Variants in FGF2 observed in about 807,000 individuals in gnomAD.
The protein encoded by FGF2 is fibroblast growth factor 2.
In FGF2, 13 loss-of-function variants were observed where a neutral mutation model predicts 15.9. The observed-to-expected ratio is 0.82, with a 90% confidence interval of 0.53 to 1.30. The LOEUF (loss-of-function observed/expected upper bound fraction) is 1.30. Ranked by LOEUF, FGF2 falls within the 50% of genes most tolerant of loss-of-function variation. The pLI is 0.00. For missense variants in FGF2, 163 were observed against 196.9 expected, an observed-to-expected ratio of 0.83 and a Z score of 1.03; for synonymous variants, 90 against 78.4, an observed-to-expected ratio of 1.15 and a Z score of -0.78.
intron 1 of FGF2, among the ~76,000 whole-genome samples, chr4:122,848,753 TGGA>T (rs1726167475): frequency 6.6e-6 from 1 of 152,330 alleles, no homozygotes; most frequent in Admixed American, 6.5e-5. Context: ...CCCTTTCATG[TGGA>T]AGAAAACTGC....
At chr4:122,866,382 T>A (rs866759955) in intron 1 of FGF2, among the ~76,000 whole-genome samples, 28 of 135,522 alleles carry the variant, frequency 2.1e-4, no homozygotes, top group African/African-American at 2.9e-4. Flanking sequence ...AAAAAAAAAA[T>A]AAATAAAAGT....
chr4:122,880,412 AATTTTTTGC>A (rs1281432747), intron 2 of FGF2, among the ~76,000 whole-genome samples: 1 of 151,862 alleles, frequency 6.6e-6, no homozygotes, highest in Non-Finnish European at 1.5e-5. Context: ...ATGCCCGGCT[AATTTTTTGC>A]ATTTTTTTAG....
At chr4:122,834,291 G>T (rs1725821742) in intron 1 of FGF2, among the ~76,000 whole-genome samples, 1 of 152,182 alleles carries the variant, frequency 6.6e-6, no homozygotes, top group South Asian at 2.1e-4. Flanking sequence ...ATACTTGGCT[G>T]TCCTGTCTCA....
At chr4:122,880,245 C>CTTTTTTT in intron 2 of FGF2, among the ~76,000 whole-genome samples, 1 of 128,698 alleles carries the variant, frequency 7.8e-6, no homozygotes, top group Non-Finnish European at 1.6e-5. Flanking sequence ...GCAGTCAAAT[C>CTTTTTTT]TTTTTTTTTT....
Position 122,827,006 on chromosome 4 carries a change from G to A in FGF2, c.-169G>A, listed in dbSNP as rs1001755509. On this transcript the variant is annotated 5_prime_UTR_variant, in exon 1 of 3. Coordinates refer to ENST00000644866, the MANE Select transcript of FGF2 (RefSeq NM_001361665.2). This position sits in a 1 kb window ranked among gnomAD's most constrained non-coding sequence, Gnocchi z 4.2. ...GGACAGAAGAGCGGCCGAGCGGCTC[G>A]AGGCTGGGGGACCGCGGGCGCGGCC... 8 of 1,219,580 alleles carry A rather than the reference G, an allele frequency of 6.6e-6. No individual in the cohort carries two copies. The highest frequency in any genetic ancestry group is 8.2e-6 in the Non-Finnish European group (8 of 980,908). 75.5% of individuals were successfully genotyped at this position (1,219,580 alleles called of 1,614,324 possible).
intron 1 of FGF2, among the ~76,000 whole-genome samples, chr4:122,843,967 C>T (rs1313648194): frequency 2.6e-5 from 4 of 152,128 alleles, no homozygotes; most frequent in African/African-American, 7.2e-5. Context: ...AGGGTTGCTG[C>T]GGCAATTTCT....
At chr4:122,848,538 T>C (rs1230037259) in intron 1 of FGF2, among the ~76,000 whole-genome samples, 1 of 152,138 alleles carries the variant, frequency 6.6e-6, no homozygotes, top group Non-Finnish European at 1.5e-5. Context: ...CTGTTGTCTG[T>C]CAGCTGCCAT....
Position 122,892,980 on chromosome 4 carries a change from C to A in FGF2, c.*584C>A, listed in dbSNP as rs979306193. 3 of 1,614,170 alleles carry A rather than the reference C, an allele frequency of 1.9e-6. No homozygotes were observed. On this transcript the variant is annotated 3_prime_UTR_variant, in exon 3 of 3. Transcript: ENST00000644866. ...TACCCATACAGCAGCAGCCTAGCAA[C>A]TCTGCTGGTGATGGGAGTTGTATTT... is the stretch of plus-strand genomic sequence containing the variant.
chr4:122,868,775 A>G (rs900215722), intron 1 of FGF2, among the ~76,000 whole-genome samples: 1 of 152,196 alleles, frequency 6.6e-6, no homozygotes, highest in African/African-American at 2.4e-5. Context: ...CCTTGCCAGT[A>G]TCTGTTGTTT....
intron 1 of FGF2, among the ~76,000 whole-genome samples, chr4:122,873,587 G>A (rs995036628): frequency 2.6e-5 from 4 of 152,188 alleles, no homozygotes; most frequent in African/African-American, 9.7e-5. Flanking sequence ...CAGAGATGAA[G>A]CAGCTATGCA....
chr4:122,875,410 A>G (rs797008852), intron 1 of FGF2, among the ~76,000 whole-genome samples: 9 of 129,952 alleles, frequency 6.9e-5, no homozygotes, highest in African/African-American at 2.0e-4. Flanking sequence ...TGTTTCCACT[A>G]GATAGATATT....
chr4:122,878,695 A>G lies in FGF2; in HGVS notation c.282+2271A>G, dbSNP rs527627755. Among the ~76,000 whole-genome samples, 24 of 152,324 alleles carry G rather than the reference A, an allele frequency of 1.6e-4. No individual in the cohort carries two copies. The East Asian group carries it at 4.6e-3, about 29-fold the overall frequency. On this transcript the variant is annotated intron_variant, in intron 2 of 2. Coordinates refer to ENST00000644866, the MANE Select transcript of FGF2 (RefSeq NM_001361665.2). ...GGGCCAAGACTGGTGGAGAGAGATC[A>G]GTTAGAAGGCCACTGTAATAGTCCA... is the stretch of plus-strand genomic sequence containing the variant.
Position 122,853,691 on chromosome 4 carries a change from G to A in FGF2, c.179-22630G>A, listed in dbSNP as rs192398255. On this transcript the variant is annotated intron_variant, in intron 1 of 2. Coordinates refer to ENST00000644866, the MANE Select transcript of FGF2 (RefSeq NM_001361665.2). ...ACTTGGGTTACGCATCCATACCCACGTGGTCTGTTTTTGTAGTTGTTACTG... is the reference window on the plus strand; with the variant it reads ...ACTTGGGTTACGCATCCATACCCACATGGTCTGTTTTTGTAGTTGTTACTG... Among the ~76,000 whole-genome samples, 460 of 152,274 alleles carry A rather than the reference G, an allele frequency of 3.0e-3. 13 individuals carry two copies. The highest frequency in any genetic ancestry group is 1.4e-3 in the Non-Finnish European group (96 of 68,022).
chr4:122,878,311 G>A (rs994645481), intron 2 of FGF2, among the ~76,000 whole-genome samples: 5 of 152,064 alleles, frequency 3.3e-5, no homozygotes, highest in Non-Finnish European at 1.5e-5. Flanking sequence ...AATTTTAGAC[G>A]TTGTAAAGGA....
At chr4:122,834,021 C>T (rs28529128) in intron 1 of FGF2, among the ~76,000 whole-genome samples, 8,944 of 152,116 alleles carry the variant, frequency 0.059, 325 homozygotes, top group African/African-American at 0.083. Context: ...TCTTGTCACA[C>T]GCCCAGGAAA....
chr4:122,834,472 A>T (rs936332168), intron 1 of FGF2, among the ~76,000 whole-genome samples: 2 of 152,132 alleles, frequency 1.3e-5, no homozygotes, highest in Non-Finnish European at 2.9e-5. Context: ...AATCATTCTT[A>T]TGAGAGCACC....
chr4:122,850,929 G>A (rs972126006), intron 1 of FGF2, among the ~76,000 whole-genome samples: 11 of 152,150 alleles, frequency 7.2e-5, no homozygotes, highest in Non-Finnish European at 1.2e-4. Context: ...CTTAGAAAAT[G>A]TATACACTAT....
At position 122,897,610 on chromosome 4, in the gene FGF2, T is replaced by G. The variant is rs1029092528; in HGVS notation, c.*5214T>G. On this transcript the variant is annotated 3_prime_UTR_variant, in exon 3 of 3. Transcript: ENST00000644866. ...AACATTTTTAAGCCAATTAAAAATA[T>G]AAAAGATACACACCAATATCTTCTT... is the stretch of plus-strand genomic sequence containing the variant. The G allele has an allele frequency of 1.9e-6, 3 of 1,574,966 alleles. No individual in the cohort carries two copies. In the African/African-American group the frequency reaches 4.0e-5, roughly 21 times the overall value.
At chr4:122,853,100 C>T (rs1423452272) in intron 1 of FGF2, among the ~76,000 whole-genome samples, 1 of 152,152 alleles carries the variant, frequency 6.6e-6, no homozygotes, top group Non-Finnish European at 1.5e-5. Flanking sequence ...GTGTTGGAGA[C>T]CAGCCTGGGC....
Sources: allele counts gnomAD v4.1 joint callset (sites outside exome capture counted in the v4.1 genomes callset), GRCh38; gene constraint gnomAD v4.1.1; non-coding constraint Gnocchi (gnomAD v3.1); transcripts MANE v1.5; gene names NCBI Gene and HGNC (gene_info 2026-07-23, HGNC 2026-07-21).